The following PPP1R12B variants were observed in gnomAD, a reference collection of about 807,000 sequenced individuals.
PPP1R12B encodes protein phosphatase 1 regulatory subunit 12B.
A neutral mutation model predicts 126.1 loss-of-function variants in PPP1R12B; 76 were observed. The observed-to-expected ratio is 0.60, with a 90% CI of 0.50 to 0.73. The LOEUF is 0.73. PPP1R12B is among the 30% of genes least tolerant of loss of function. PPP1R12B has a pLI of 0.00. For synonymous variants in PPP1R12B, 356 were observed against 434.7 expected (o/e 0.82, Z 2.25); for missense variants, 1,052 against 1,205.1 (o/e 0.87, Z 1.88).
At chr1:202,354,653 T>C (rs1160352583) in intron 1 of PPP1R12B, among the ~76,000 whole-genome samples, 1 of 151,554 alleles carries the variant, frequency 6.6e-6, no homozygotes, top group Non-Finnish European at 1.5e-5. Flanking sequence ...TGTGTCCCAT[T>C]CTTTTTTTTT....
chr1:202,453,492 T>C (rs1227890700), intron 13 of PPP1R12B, among the ~76,000 whole-genome samples: 3 of 152,118 alleles, frequency 2.0e-5, no homozygotes, highest in African/African-American at 7.2e-5. Flanking sequence ...TTTTCTGTTT[T>C]TCAGAATAGT....
chr1:202,349,453 TTA>T (rs1655528264), intron 1 of PPP1R12B, among the ~76,000 whole-genome samples: 1 of 152,224 alleles, frequency 6.6e-6, no homozygotes, highest in African/African-American at 2.4e-5. Flanking sequence ...TTATCTTCAC[TTA>T]TGTCTGGTTG....
chr1:202,590,225 T>A lies in PPP1R12B; in HGVS notation c.*9665T>A, dbSNP rs1690052343. 6.6e-6 allele frequency: 1 copy of A among 152,176 alleles called. No homozygotes were observed. Among genetic ancestry groups the A allele is most frequent in the South Asian group, 2.1e-4 (1 of 4,826 alleles). The allele number at this position is 152,176 out of a possible 1,614,324, so 9.4% of individuals were successfully genotyped here. A position where few individuals can be genotyped will look rare whatever the true frequency, so the allele number is the denominator to read the frequency against. On this transcript the variant is annotated 3_prime_UTR_variant, in exon 24 of 24. Transcript: ENST00000608999. ...TTGGGCTCAGACTGTGGCTGTTCCC[T>A]AAGCCCAGCTCTACTGGAAGGGAAT... is the stretch of plus-strand genomic sequence containing the variant.
intron 18 of PPP1R12B, among the ~76,000 whole-genome samples, chr1:202,519,179 T>C (rs1260611024): frequency 6.6e-6 from 1 of 152,210 alleles, no homozygotes; most frequent in Admixed American, 6.5e-5. Flanking sequence ...CATAAATTTT[T>C]ATTGTGGCTG....
At chr1:202,487,655 C>T (rs908848270) in intron 13 of PPP1R12B, among the ~76,000 whole-genome samples, 5 of 151,140 alleles carry the variant, frequency 3.3e-5, no homozygotes, top group African/African-American at 9.8e-5. Context: ...GTCACCCAGG[C>T]TGGAGTGCAG....
chr1:202,438,403 C>G (rs965087192), intron 10 of PPP1R12B: 1 of 581,244 alleles, frequency 1.7e-6, no homozygotes, highest in East Asian at 4.4e-5. Flanking sequence ...GGCATGGCTT[C>G]GTGTGCTGAA....
Position 202,562,768 on chromosome 1 carries a change from T to C in PPP1R12B, c.2508-10T>C. ...AAACCAATTTTTATCTTTAATATTA[T>C]CTCCCACAGGTTGGAATCGGGAGGT... is the stretch of plus-strand genomic sequence containing the variant. On this transcript the variant is annotated splice_polypyrimidine_tract_variant and intron_variant, in intron 19 of 23. Coordinates refer to ENST00000608999, the MANE Select transcript of PPP1R12B (RefSeq NM_002481.4). 6.2e-7 allele frequency: 1 copy of C among 1,608,918 alleles called. No homozygotes were observed. Among genetic ancestry groups the C allele is most frequent in the South Asian group, 1.1e-5 (1 of 90,806 alleles).
intron 18 of PPP1R12B, among the ~76,000 whole-genome samples, chr1:202,537,022 CT>C (rs1684606959): frequency 6.6e-6 from 1 of 152,168 alleles, no homozygotes; most frequent in Non-Finnish European, 1.5e-5. Context: ...GAGAAGTACA[CT>C]CTAAAATAAT....
intron 23 of PPP1R12B, among the ~76,000 whole-genome samples, chr1:202,572,782 AT>A (rs1440607659): frequency 1.3e-5 from 2 of 151,788 alleles, no homozygotes; most frequent in Non-Finnish European, 2.9e-5. Context: ...TGGAATTTTT[AT>A]TTTTCTTTGG....
At chr1:202,523,309 T>C (rs1428937868) in intron 18 of PPP1R12B, among the ~76,000 whole-genome samples, 5 of 152,010 alleles carry the variant, frequency 3.3e-5, no homozygotes, top group African/African-American at 4.8e-5. Context: ...ACTGATGCAA[T>C]TTGGAAAAAA....
chr1:202,388,036 T>C (rs1376192434), intron 1 of PPP1R12B, among the ~76,000 whole-genome samples: 3 of 150,788 alleles, frequency 2.0e-5, no homozygotes, highest in Admixed American at 6.6e-5. Context: ...CAATACAAAA[T>C]AGTTTTTCAA....
At chr1:202,529,897 G>C (rs1212099546) in intron 18 of PPP1R12B, among the ~76,000 whole-genome samples, 1 of 152,068 alleles carries the variant, frequency 6.6e-6, no homozygotes, top group East Asian at 1.9e-4. Context: ...TATAATTTCT[G>C]TACAACTGCA....
At position 202,416,840 on chromosome 1, in the gene PPP1R12B, C is replaced by G; in HGVS notation, c.345C>G (p.Ala115=). The G allele has an allele frequency of 1.2e-6, 2 of 1,613,934 alleles. No individual in the cohort carries two copies. Among genetic ancestry groups the G allele is most frequent in the Non-Finnish European group, 1.7e-6 (2 of 1,179,918 alleles). ...TGAAGTTTCTGGTGGAGAACAGAGC[C>G]AATGTAAACCAGCAAGACAACGAGG... ...DMVKFLVENR[A]NVNQQDNEGW... is the part of the protein sequence containing the mutation. Residue 115 remains alanine, a synonymous_variant, in exon 2 of 24, where the codon GCC becomes GCG. Coordinates refer to ENST00000608999, the MANE Select transcript of PPP1R12B (RefSeq NM_002481.4).
chr1:202,457,170 C>A (rs1204565459), intron 13 of PPP1R12B, among the ~76,000 whole-genome samples: 2 of 152,130 alleles, frequency 1.3e-5, no homozygotes, highest in Admixed American at 6.5e-5. Flanking sequence ...TAAATGGGAA[C>A]CCACATATAT....
chr1:202,518,497 G>A (rs1424125236), intron 18 of PPP1R12B, among the ~76,000 whole-genome samples: 3 of 152,160 alleles, frequency 2.0e-5, no homozygotes, highest in Admixed American at 6.5e-5. Context: ...GAGTTACAAA[G>A]ATAGTATAGT....
At chr1:202,417,227 G>T (rs1269308631) in intron 2 of PPP1R12B, 1 of 985,210 alleles carries the variant, frequency 1.0e-6, no homozygotes, top group Non-Finnish European at 1.2e-6. Context: ...AGCTGGGCAC[G>T]TATACAGGCA....
rs557432428 is a variant in PPP1R12B at position 202,428,662 on chromosome 1, G to C, written c.847-193G>C. 67 of 547,212 alleles carry C rather than the reference G, an allele frequency of 1.2e-4. 1 individual carries two copies. In the South Asian group the frequency reaches 1.7e-3, roughly 14 times the overall value. 33.9% of individuals were successfully genotyped at this position (547,212 alleles called of 1,614,324 possible). A position where few individuals can be genotyped will look rare whatever the true frequency, so the allele number is the denominator to read the frequency against. The stretch of plus-strand genomic sequence containing the variant: ...TGTTGTACAAACTCTATATTTAAAG[G>C]ATTTGGTGTTTCTTGTTATGTGTCC... On this transcript the variant is annotated intron_variant, in intron 5 of 23. Coordinates refer to ENST00000608999, the MANE Select transcript of PPP1R12B (RefSeq NM_002481.4).
At chr1:202,398,506 G>A (rs1665331864) in intron 1 of PPP1R12B, among the ~76,000 whole-genome samples, 1 of 152,182 alleles carries the variant, frequency 6.6e-6, no homozygotes, top group African/African-American at 2.4e-5. Context: ...TCACTATTTA[G>A]TTGTTGGAGT....
intron 1 of PPP1R12B, among the ~76,000 whole-genome samples, chr1:202,398,090 A>G (rs567372061): frequency 1.6e-4 from 25 of 152,188 alleles, no homozygotes; most frequent in Non-Finnish European, 3.2e-4. Context: ...AGTATTTTCT[A>G]TATGTTTGAT....
Sources: allele counts gnomAD v4.1 joint callset (sites outside exome capture counted in the v4.1 genomes callset), GRCh38; gene constraint gnomAD v4.1.1; transcripts MANE v1.5; gene names NCBI Gene and HGNC (gene_info 2026-07-23, HGNC 2026-07-21).